KLHL28: variants seen among roughly 807,000 people sequenced by gnomAD.
KLHL28 encodes the protein kelch like family member 28.
In KLHL28, 22 loss-of-function variants were observed where a neutral mutation model predicts 48.3. The observed-to-expected ratio is 0.46, with a 90% CI of 0.33 to 0.65. The LOEUF (loss-of-function observed/expected upper bound fraction) is 0.65. Among genes scored for constraint, KLHL28 ranks in the 30% least tolerant of loss-of-function variants. The probability of loss-of-function intolerance (pLI) is 0.03; values close to 1 mark genes in which losing one functional copy is unlikely to be tolerated. For synonymous variants in KLHL28, 243 were observed against 242.4 expected (o/e 1.00, Z -0.02); for missense variants, 527 against 704.3 (o/e 0.75, Z 2.85).
intron 2 of KLHL28, among the ~76,000 whole-genome samples, chr14:44,941,550 C>T (rs560774399): frequency 6.6e-6 from 1 of 151,352 alleles, no homozygotes; most frequent in Non-Finnish European, 1.5e-5. Flanking sequence ...ATTGCTTGAA[C>T]CTGGGAGGCG....
intron 1 of KLHL28, among the ~76,000 whole-genome samples, chr14:44,954,694 G>A (rs1164780475): frequency 6.6e-6 from 1 of 152,080 alleles, no homozygotes; most frequent in East Asian, 1.9e-4. Context: ...TACAAGAGGA[G>A]GTATGGAACT....
chr14:44,953,407 A>C (rs1394332956), intron 1 of KLHL28, among the ~76,000 whole-genome samples: 1 of 152,226 alleles, frequency 6.6e-6, no homozygotes, highest in Non-Finnish European at 1.5e-5. Flanking sequence ...GGTAGTATTG[A>C]GAGGTAGGGC....
rs138890253 is a variant in KLHL28 at position 44,931,465 on chromosome 14, C to A, written c.1420G>T (p.Val474Leu). The change falls in exon 4 of 5, where the codon GTG becomes TTG. Residue 474 changes from valine (V) to leucine (L), a missense_variant. Val to Leu is a conservative substitution (Grantham distance 32). Transcript: ENST00000396128. Reference sequence around the variant, plus strand: ...AAAATAAAGCCTAGCATGACACCCACGCCAAAGTGAATCCTTTTATCTGCC... The same window carrying A: ...AAAATAAAGCCTAGCATGACACCCAAGCCAAAGTGAATCCTTTTATCTGCC... ...SMADKRIHFG[V>L]GVMLGFIFVV... The A allele has an allele frequency of 3.1e-6, 5 of 1,613,890 alleles. No individual in the cohort carries two copies. The South Asian group carries it at 3.3e-5, about 11-fold the overall frequency.
rs1883433178 is a variant in KLHL28 at position 44,928,029 on chromosome 14, C to T, written c.*999G>A. ...TTAAAAATGCAAAAGACTATCAAAA[C>T]ATGTCATGCATATCTCATACTGAAC... On this transcript the variant is annotated 3_prime_UTR_variant, in exon 5 of 5. Coordinates refer to ENST00000396128, the MANE Select transcript of KLHL28 (RefSeq NM_017658.5). 6.6e-6 allele frequency: 1 copy of T among 152,540 alleles called. No individual in the cohort carries two copies. The highest frequency in any genetic ancestry group is 2.4e-5 in the African/African-American group (1 of 41,440). The allele number at this position is 152,540 out of a possible 1,614,324, so 9.4% of individuals were successfully genotyped here.
At chr14:44,943,822 C>T (rs1214055147) in intron 2 of KLHL28, among the ~76,000 whole-genome samples, 2 of 151,404 alleles carry the variant, frequency 1.3e-5, no homozygotes, top group Non-Finnish European at 2.9e-5. Context: ...CTAAGCAATC[C>T]TCTTGCCTCA....
intron 4 of KLHL28, 47 bp from the exon 5 acceptor site, chr14:44,929,238 G>C (rs1470464233): frequency 2.0e-6 from 3 of 1,468,746 alleles, no homozygotes; most frequent in Non-Finnish European, 2.8e-6. Flanking sequence ...TAACCATGAA[G>C]TATACTTTTT....
chr14:44,943,635 C>T (rs1182646733), intron 2 of KLHL28, among the ~76,000 whole-genome samples: 1 of 148,226 alleles, frequency 6.7e-6, no homozygotes, highest in Non-Finnish European at 1.5e-5. Flanking sequence ...CCAGCCTGGG[C>T]AACAAAAGCC....
intron 1 of KLHL28, among the ~76,000 whole-genome samples, chr14:44,947,516 C>T (rs1444162685): frequency 6.6e-6 from 1 of 152,148 alleles, no homozygotes; most frequent in African/African-American, 2.4e-5. Flanking sequence ...AAAAGGAATA[C>T]AGGTCATGTA....
At position 44,946,003 on chromosome 14, in the gene KLHL28, A is replaced by T; in HGVS notation, c.1-75T>A. The T allele has an allele frequency of 2.7e-6, 3 of 1,127,888 alleles. No individual in the cohort carries two copies. In the South Asian group the frequency reaches 4.5e-5, roughly 17 times the overall value. 69.9% of individuals were successfully genotyped at this position (1,127,888 alleles called of 1,614,324 possible). ...AAAAACACTGCTTTTCAAATAGTACAGAATAATCAGATTTGTAATTTATTT... is the reference window on the plus strand; with the variant it reads ...AAAAACACTGCTTTTCAAATAGTACTGAATAATCAGATTTGTAATTTATTT... On this transcript the variant is annotated intron_variant, in intron 1 of 4. Coordinates refer to ENST00000396128, the MANE Select transcript of KLHL28 (RefSeq NM_017658.5).
rs1883475401 is a variant in KLHL28 at position 44,928,989 on chromosome 14, A to C, written c.*39T>G. The stretch of plus-strand genomic sequence containing the variant: ...GGCCATCCGGATGTTCATGCAGTAC[A>C]AGTTTCACCACCATACTATTTCCGA... On this transcript the variant is annotated 3_prime_UTR_variant, in exon 5 of 5. Transcript: ENST00000396128. 1 of 1,602,856 alleles carries C rather than the reference A, an allele frequency of 6.2e-7. No homozygotes were observed. The highest frequency in any genetic ancestry group is 1.3e-5 in the African/African-American group (1 of 74,770).
Position 44,934,321 on chromosome 14 carries a change from A to T in KLHL28, c.1137T>A (p.Leu379=). 1.2e-6 allele frequency: 2 copies of T among 1,614,158 alleles called. No homozygotes were observed. The highest frequency in any genetic ancestry group is 1.7e-6 in the Non-Finnish European group (2 of 1,180,000). ...GTTCTCCTGCAAGTACTACTACTCC[A>T]AGAGTACTTCGGCTTTCATTCATTC... ...LERMNESRST[L]GVVVLAGELY... The change falls in exon 3 of 5, where the codon CTT becomes CTA. Residue 379 remains leucine, a synonymous_variant. Transcript: ENST00000396128.
chr14:44,940,938 C>T lies in KLHL28; in HGVS notation c.899+4092G>A, dbSNP rs147534166. On this transcript the variant is annotated intron_variant, in intron 2 of 4. Transcript: ENST00000396128. ...AACATGGTGAAACCCTGTTTCTACC[C>T]AAAATACAAAAATTAGCCGGGTGTG... 3.4e-4 allele frequency among the ~76,000 whole-genome samples: 52 copies of T among 151,818 alleles called. No individual in the cohort carries two copies. In the East Asian group the frequency reaches 9.4e-3, roughly 27 times the overall value.
Position 44,954,883 on chromosome 14 carries a change from G to T in KLHL28, c.-1+6963C>A, listed in dbSNP as rs545057285. 5.8e-4 allele frequency among the ~76,000 whole-genome samples: 89 copies of T among 152,248 alleles called. 1 individual carries two copies. The highest frequency in any genetic ancestry group is 1.0e-3 in the Non-Finnish European group (68 of 67,996). On this transcript the variant is annotated intron_variant, in intron 1 of 4. Coordinates refer to ENST00000396128, the MANE Select transcript of KLHL28 (RefSeq NM_017658.5). ...AAAGGAAGAAAATATCAACTTAGTG[G>T]CCTTACCATACCATTCCAAATAACT...
At chr14:44,958,250 G>A (rs118149517) in intron 1 of KLHL28, among the ~76,000 whole-genome samples, 32 of 151,748 alleles carry the variant, frequency 2.1e-4, no homozygotes, top group Non-Finnish European at 3.7e-4. Flanking sequence ...GTCAAGTTGC[G>A]AGTTTTGTAC....
intron 1 of KLHL28, among the ~76,000 whole-genome samples, chr14:44,957,335 AT>A (rs1188650925): frequency 1.3e-5 from 2 of 152,194 alleles, no homozygotes; most frequent in African/African-American, 4.8e-5. Context: ...AAAACAGAAA[AT>A]ATAAGGCACA....
chr14:44,958,778 G>A (rs1375413979), intron 1 of KLHL28, among the ~76,000 whole-genome samples: 1 of 152,100 alleles, frequency 6.6e-6, no homozygotes, highest in Non-Finnish European at 1.5e-5. Flanking sequence ...TGCAACAGAT[G>A]TGAAATTCTG....
intron 1 of KLHL28, chr14:44,961,189 G>C: frequency 3.3e-6 from 1 of 304,562 alleles, no homozygotes; most frequent in Non-Finnish European, 6.1e-6. Flanking sequence ...TTAGAACCAT[G>C]ATGCCAAGAA....
intron 3 of KLHL28, 149 bp downstream of exon 3, chr14:44,933,966 C>T (rs1228566735): frequency 3.5e-6 from 2 of 577,064 alleles, no homozygotes; most frequent in African/African-American, 1.9e-5. Context: ...CCATGTAAAA[C>T]AATTACAATT....
chr14:44,950,633 C>T (rs1187348068), intron 1 of KLHL28, among the ~76,000 whole-genome samples: 8 of 152,158 alleles, frequency 5.3e-5, no homozygotes, highest in East Asian at 3.9e-4. Flanking sequence ...CCAGGCTTCC[C>T]GGGTTACAAT....
Sources: gnomAD v4.1 joint callset for allele counts (sites outside exome capture counted in the v4.1 genomes callset) on GRCh38, gnomAD v4.1.1 for gene constraint, MANE v1.5 for transcripts, NCBI Gene and HGNC (gene_info 2026-07-23, HGNC 2026-07-21) for gene names.